The following OTOGL variants were observed in gnomAD, a reference collection of about 807,000 sequenced individuals.
OTOGL encodes otogelin like.
OTOGL carries 285 observed loss-of-function variants against 318.5 expected under a neutral mutation model. That is an observed-to-expected ratio of 0.89 (90% CI 0.81 to 0.99). The LOEUF (loss-of-function observed/expected upper bound fraction) is 0.99. Ranked by LOEUF, OTOGL falls within the 50% of genes least tolerant of loss-of-function variation. The pLI is 0.00. For missense variants in OTOGL, 2,899 were observed against 2,845.6 expected (o/e 1.02, Z -0.43); for synonymous variants, 987 against 936.5 (o/e 1.05, Z -0.99).
intron 1 of OTOGL, among the ~76,000 whole-genome samples, chr12:80,137,850 C>A (rs1339276144): frequency 6.6e-6 from 1 of 152,080 alleles, no homozygotes; most frequent in East Asian, 1.9e-4. Flanking sequence ...ATCAGGGACG[C>A]AAATGAGACC....
intron 13 of OTOGL, among the ~76,000 whole-genome samples, chr12:80,252,760 G>A (rs1041034861): frequency 1.3e-5 from 2 of 152,146 alleles, no homozygotes; most frequent in Non-Finnish European, 2.9e-5. Flanking sequence ...TTAACTGAGT[G>A]AGGATTACTT....
intron 1 of OTOGL, among the ~76,000 whole-genome samples, chr12:80,186,004 G>A (rs1875262029): frequency 2.0e-5 from 3 of 152,326 alleles, no homozygotes; most frequent in East Asian, 1.9e-4. Flanking sequence ...GCACCTGCAA[G>A]TGGGCCATAT....
At chr12:80,290,958 A>G (rs1885003689) in intron 26 of OTOGL, among the ~76,000 whole-genome samples, 1 of 152,206 alleles carries the variant, frequency 6.6e-6, no homozygotes, top group Non-Finnish European at 1.5e-5. Flanking sequence ...CATTTTGCAG[A>G]ATGCTGGGCA....
intron 1 of OTOGL, among the ~76,000 whole-genome samples, chr12:80,168,298 C>G (rs896414421): frequency 1.3e-5 from 2 of 152,034 alleles, no homozygotes; most frequent in African/African-American, 4.8e-5. Flanking sequence ...CTCAACTCAT[C>G]CTAATGTTTT....
chr12:80,118,674 CT>C (rs146240388), intron 1 of OTOGL, among the ~76,000 whole-genome samples: 1 of 152,222 alleles, frequency 6.6e-6, no homozygotes, highest in African/African-American at 2.4e-5. Context: ...TTTTTTCCTA[CT>C]AATAACAGAG....
chr12:80,247,096 G>T (rs1464769688), intron 11 of OTOGL, among the ~76,000 whole-genome samples: 8 of 133,676 alleles, frequency 6.0e-5, no homozygotes, highest in Admixed American at 4.3e-4. Context: ...CAATTTTGTT[G>T]ATCCTTTCAA....
At chr12:80,219,393 TGA>T (rs1227578824) in intron 5 of OTOGL, among the ~76,000 whole-genome samples, 1 of 152,190 alleles carries the variant, frequency 6.6e-6, no homozygotes, top group Non-Finnish European at 1.5e-5. Flanking sequence ...ATTACAGGCA[TGA>T]GAGACCCTAT....
chr12:80,161,318 G>T (rs1873503722), intron 1 of OTOGL, among the ~76,000 whole-genome samples: 1 of 151,930 alleles, frequency 6.6e-6, no homozygotes, highest in Admixed American at 6.6e-5. Flanking sequence ...GTAACTAGGA[G>T]GAGGAGATAA....
intron 1 of OTOGL, chr12:80,130,968 C>T (rs1366710245): frequency 6.6e-6 from 1 of 152,176 alleles, no homozygotes; most frequent in African/African-American, 2.4e-5. Flanking sequence ...CTTAATTCCC[C>T]TTTACCTATT....
intron 1 of OTOGL, among the ~76,000 whole-genome samples, chr12:80,199,238 T>A (rs757762904): frequency 6.6e-6 from 1 of 152,208 alleles, no homozygotes; most frequent in Non-Finnish European, 1.5e-5. Context: ...TCCTCAAACC[T>A]ACCATGCTTT....
intron 30 of OTOGL, among the ~76,000 whole-genome samples, chr12:80,311,210 G>T (rs1442418325): frequency 3.3e-5 from 5 of 152,124 alleles, no homozygotes; most frequent in Admixed American, 6.6e-5. Flanking sequence ...CCCAATAGAA[G>T]TTTAAGCAAT....
At chr12:80,250,225 TA>T (rs971329041) in intron 11 of OTOGL, among the ~76,000 whole-genome samples, 8 of 152,206 alleles carry the variant, frequency 5.3e-5, no homozygotes, top group African/African-American at 9.6e-5. Context: ...CCATTTTTCC[TA>T]TTAAAGTTAT....
intron 1 of OTOGL, among the ~76,000 whole-genome samples, chr12:80,147,894 T>C (rs1218827012): frequency 6.6e-6 from 1 of 152,150 alleles, no homozygotes; most frequent in Non-Finnish European, 1.5e-5. Context: ...CTTTTTTTGT[T>C]CTCCATTTGC....
intron 1 of OTOGL, among the ~76,000 whole-genome samples, chr12:80,206,966 A>G (rs1287277459): frequency 6.6e-6 from 1 of 152,216 alleles, no homozygotes; most frequent in South Asian, 2.1e-4. Flanking sequence ...TAAAGATACT[A>G]TATGAAACTT....
At chr12:80,356,757 AT>A (rs765996995) in intron 48 of OTOGL, 49 bp from the exon 49 acceptor site, 16 of 1,190,378 alleles carry the variant, frequency 1.3e-5, no homozygotes, top group Admixed American at 7.1e-5. Context: ...ACACTATGTC[AT>A]TTTTTTATTA....
At chr12:80,115,826 T>C (rs2137088699) in intron 1 of OTOGL, among the ~76,000 whole-genome samples, 1 of 152,310 alleles carries the variant, frequency 6.6e-6, no homozygotes, top group South Asian at 2.1e-4. Context: ...CAGTTTGAAC[T>C]TCCTGGTGGC....
At chr12:80,104,622 T>C (rs1869345294) in intron 1 of OTOGL, among the ~76,000 whole-genome samples, 1 of 151,690 alleles carries the variant, frequency 6.6e-6, no homozygotes. Flanking sequence ...GTCAGGGGGG[T>C]GAGAGCAGTG....
chr12:80,312,147 A>G (rs1886674560), intron 30 of OTOGL, among the ~76,000 whole-genome samples: 1 of 152,234 alleles, frequency 6.6e-6, no homozygotes, highest in African/African-American at 2.4e-5. Context: ...ATAGTGTCAA[A>G]GAATATCACA....
chr12:80,364,437 A>G (rs1485307150), intron 52 of OTOGL, among the ~76,000 whole-genome samples: 2 of 152,198 alleles, frequency 1.3e-5, no homozygotes, highest in African/African-American at 4.8e-5. Flanking sequence ...AACATACAAT[A>G]CATCCATTTA....
Sources: gnomAD v4.1 joint callset for allele counts (sites outside exome capture counted in the v4.1 genomes callset) on GRCh38, gnomAD v4.1.1 for gene constraint, MANE v1.5 for transcripts, NCBI Gene and HGNC (gene_info 2026-07-23, HGNC 2026-07-21) for gene names.